The following SPATA13 variants were observed in gnomAD, a reference collection of about 807,000 sequenced individuals.
SPATA13 encodes spermatogenesis associated 13, also known as spermatogenesis-associated protein 13.
In SPATA13, 50 loss-of-function variants were observed where a neutral mutation model predicts 104.0. The ratio of observed to expected loss-of-function variants is 0.48; its 90% confidence interval spans 0.38 to 0.61. SPATA13 has a LOEUF of 0.61. Among genes scored for constraint, SPATA13 ranks in the 20% least tolerant of loss-of-function variants. The pLI, the probability that SPATA13 is intolerant of heterozygous loss-of-function variation, is 0.00. For missense variants in SPATA13, 1,524 were observed against 1,690.6 expected (o/e 0.90, Z 1.73); for synonymous variants, 606 against 667.5 (o/e 0.91, Z 1.42).
intron 4 of SPATA13, among the ~76,000 whole-genome samples, chr13:24,272,170 CGGGCAGGGGTGGG>C (rs1874659576): frequency 6.6e-6 from 1 of 152,180 alleles, no homozygotes; most frequent in African/African-American, 2.4e-5. Context: ...CCAGCACGAA[CGGGCAGGGGTGGG>C]GGGCAGGTGG....
intron 4 of SPATA13, among the ~76,000 whole-genome samples, chr13:24,268,891 C>T (rs1162160383): frequency 1.3e-5 from 2 of 152,124 alleles, no homozygotes; most frequent in African/African-American, 2.4e-5. Context: ...CTGTCCTTAC[C>T]TGGATTTGAG....
chr13:24,235,749 C>A (rs1163859264), intron 2 of SPATA13, among the ~76,000 whole-genome samples: 1 of 152,112 alleles, frequency 6.6e-6, no homozygotes, highest in African/African-American at 2.4e-5. Flanking sequence ...AGAGTGAAAC[C>A]CTGTCTTAAA....
At chr13:24,126,029 G>T (rs1039921855) in intron 3 of SPATA13, among the ~76,000 whole-genome samples, 1 of 152,206 alleles carries the variant, frequency 6.6e-6, no homozygotes, top group Non-Finnish European at 1.5e-5. Context: ...GAGCAGGGGA[G>T]CCAGGAGCCC....
At position 24,011,473 on chromosome 13, in the gene SPATA13, CT is replaced by C. The variant is rs970044041; in HGVS notation, c.-146-6193del. 2.0e-5 allele frequency among the ~76,000 whole-genome samples: 3 copies of C among 152,194 alleles called. No homozygotes were observed. The highest frequency in any genetic ancestry group is 1.3e-4 in the Admixed American group (2 of 15,286). ...CAGCAGCAGGTGGTTGAGAGTGTCC[CT>C]GCTGGTGAGGACAGAACCTGGAATT... On this transcript the variant is annotated intron_variant, in intron 2 of 14. Transcript: ENST00000424834. The surrounding 1 kb of genome is among the most constrained non-coding windows in gnomAD (Gnocchi z 4.3).
chr13:24,255,024 C>T (rs1873714297), intron 4 of SPATA13, among the ~76,000 whole-genome samples: 1 of 152,178 alleles, frequency 6.6e-6, no homozygotes, highest in South Asian at 2.1e-4. Context: ...CCAAACCCAT[C>T]CTCAGCCCAT....
At chr13:24,197,913 A>G (rs556809600) in intron 1 of SPATA13, among the ~76,000 whole-genome samples, 9 of 152,252 alleles carry the variant, frequency 5.9e-5, no homozygotes, top group African/African-American at 1.9e-4. Flanking sequence ...TCCCCCAAGA[A>G]ACATGCATTT....
At chr13:24,232,086 T>C (rs1215321195) in intron 2 of SPATA13, among the ~76,000 whole-genome samples, 2 of 152,182 alleles carry the variant, frequency 1.3e-5, no homozygotes, top group East Asian at 1.9e-4. Flanking sequence ...TCGGCTGGTG[T>C]GATTAAGGCC....
At chr13:24,215,568 G>A (rs1220604) in intron 1 of SPATA13, among the ~76,000 whole-genome samples, 74,365 of 152,014 alleles carry the variant, frequency 0.49, 18,774 homozygotes, top group African/African-American at 0.62. Context: ...TTTATGCAAA[G>A]ACAAAAAAAT....
intron 4 of SPATA13, among the ~76,000 whole-genome samples, chr13:24,257,883 T>G (rs7999091): frequency 0.14 from 20,561 of 152,126 alleles, 1,635 homozygotes; most frequent in African/African-American, 0.22. Context: ...ATGACCCAAA[T>G]TTTATGCCAA....
chr13:24,294,700 T>C, intron 9 of SPATA13, 39 bp from the exon 10 acceptor site: 6 of 1,559,852 alleles, frequency 3.8e-6, no homozygotes, highest in Non-Finnish European at 5.3e-6. Flanking sequence ...ATTTGTAAGG[T>C]GCATGTTATG....
Position 24,129,273 on chromosome 13 carries a change from G to A in SPATA13, c.-111-93546G>A, listed in dbSNP as rs115058566. On this transcript the variant is annotated intron_variant, in intron 3 of 14. Transcript: ENST00000424834. ...CCAACCATCAAAGTCTGAGTACAGCGTCTGTCCCATGTGAGCATGAGGGAA... is the reference window on the plus strand; with the variant it reads ...CCAACCATCAAAGTCTGAGTACAGCATCTGTCCCATGTGAGCATGAGGGAA... 3.3e-3 allele frequency among the ~76,000 whole-genome samples: 500 copies of A among 152,334 alleles called. 1 individual carries two copies. Among genetic ancestry groups the A allele is most frequent in the African/African-American group, 0.011 (454 of 41,576 alleles).
chr13:24,219,179 C>A (rs1463202530), intron 1 of SPATA13, among the ~76,000 whole-genome samples: 1 of 152,114 alleles, frequency 6.6e-6, no homozygotes, highest in Non-Finnish European at 1.5e-5. Context: ...AATTGAATTG[C>A]AACCCTTGGT....
intron 3 of SPATA13, among the ~76,000 whole-genome samples, chr13:24,035,405 G>C (rs974311002): frequency 6.6e-6 from 1 of 152,100 alleles, no homozygotes; most frequent in Admixed American, 6.6e-5. Flanking sequence ...CTGCTGTCTC[G>C]GCCACCCGAA....
At chr13:24,232,966 G>A (rs1872367150) in intron 2 of SPATA13, among the ~76,000 whole-genome samples, 1 of 152,166 alleles carries the variant, frequency 6.6e-6, no homozygotes, top group Non-Finnish European at 1.5e-5. Context: ...ATTTTCTTCT[G>A]TGTTATTTTC....
intron 3 of SPATA13, among the ~76,000 whole-genome samples, chr13:24,050,988 C>T (rs1230626905): frequency 2.0e-5 from 3 of 152,212 alleles, no homozygotes; most frequent in African/African-American, 7.2e-5. Context: ...GGTTTTCCAG[C>T]TGTTTTTGCA....
chr13:24,274,071 G>A (rs1051730610), intron 4 of SPATA13, among the ~76,000 whole-genome samples: 13 of 152,310 alleles, frequency 8.5e-5, no homozygotes, highest in East Asian at 1.9e-4. Flanking sequence ...AGAGGTCAGC[G>A]TGGACGGATG....
At chr13:24,277,110 G>T (rs764673151) in intron 4 of SPATA13, among the ~76,000 whole-genome samples, 2 of 152,152 alleles carry the variant, frequency 1.3e-5, no homozygotes, top group African/African-American at 2.4e-5. Flanking sequence ...TAGACAACTC[G>T]CATGTCATTT....
chr13:24,111,185 A>G (rs4569111), intron 3 of SPATA13, among the ~76,000 whole-genome samples: 70,106 of 151,718 alleles, frequency 0.46, 16,778 homozygotes, highest in East Asian at 0.64. Flanking sequence ...GGCCAGATAC[A>G]TGCATGAGCC....
In SPATA13 at chr13:24,205,048, C is replaced by G. The variant is rs1870628411; in HGVS notation, c.-111-17771C>G. Among the ~76,000 whole-genome samples the G allele has an allele frequency of 6.6e-6, 1 of 152,230 alleles. No homozygotes were observed. The highest frequency in any genetic ancestry group is 1.5e-5 in the Non-Finnish European group (1 of 68,044). Reference sequence around the variant, plus strand: ...CCGACACAAGACAAGAATGGCCTCTCTCTCACCATTCCTATTCAACATAGT... The same window carrying G: ...CCGACACAAGACAAGAATGGCCTCTGTCTCACCATTCCTATTCAACATAGT... On this transcript the variant is annotated intron_variant, in intron 1 of 12. Transcript: ENST00000382108. The surrounding 1 kb of genome is among the most constrained non-coding windows in gnomAD (Gnocchi z 4.1).
Sources: gnomAD v4.1 joint callset for allele counts (sites outside exome capture counted in the v4.1 genomes callset) on GRCh38, gnomAD v4.1.1 for gene constraint, Gnocchi (gnomAD v3.1) non-coding constraint, MANE v1.5 for transcripts, NCBI Gene and HGNC (gene_info 2026-07-23, HGNC 2026-07-21) for gene names.